CHRM3: variants seen among roughly 807,000 people sequenced by gnomAD.
CHRM3 encodes muscarinic acetylcholine receptor M3.
In CHRM3, 11 loss-of-function variants were observed where a neutral mutation model predicts 41.8. The observed-to-expected ratio is 0.26, with a 90% confidence interval of 0.17 to 0.44. CHRM3 has a LOEUF of 0.44. Among genes scored for constraint, CHRM3 ranks in the 20% least tolerant of loss-of-function variants. CHRM3 has a pLI of 1.00. For missense variants in CHRM3, 571 were observed against 745.4 expected (o/e 0.77, Z 2.72); for synonymous variants, 297 against 301.4 (o/e 0.99, Z 0.15).
At chr1:239,666,192 CTTT>C (rs34265790) in intron 4 of CHRM3, among the ~76,000 whole-genome samples, 1 of 145,930 alleles carries the variant, frequency 6.9e-6, no homozygotes, top group African/African-American at 2.5e-5. Flanking sequence ...TGTTGCCTGA[CTTT>C]TTTTTTTTTT....
chr1:239,648,869 G>A (rs916920909), intron 4 of CHRM3, among the ~76,000 whole-genome samples: 6 of 152,144 alleles, frequency 3.9e-5, no homozygotes, highest in African/African-American at 1.4e-4. Context: ...GGACATGACT[G>A]ACACATGAAT....
chr1:239,687,696 G>A (rs1018345821), intron 5 of CHRM3, among the ~76,000 whole-genome samples: 3 of 152,080 alleles, frequency 2.0e-5, no homozygotes, highest in Non-Finnish European at 2.9e-5. Context: ...GACCACAATA[G>A]AACAGTGCTC....
At chr1:239,688,997 A>G (rs201582665) in intron 5 of CHRM3, among the ~76,000 whole-genome samples, 2 of 150,496 alleles carry the variant, frequency 1.3e-5, no homozygotes, top group East Asian at 1.9e-4. Context: ...ATGAAAGTGT[A>G]TATGACTTTG....
At chr1:239,502,569 C>T (rs968340961) in intron 2 of CHRM3, among the ~76,000 whole-genome samples, 1 of 152,294 alleles carries the variant, frequency 6.6e-6, no homozygotes, top group Non-Finnish European at 1.5e-5. Flanking sequence ...AAGGAACCCT[C>T]GCTAATTCAT....
intron 2 of CHRM3, among the ~76,000 whole-genome samples, chr1:239,538,231 T>G (rs1275835399): frequency 6.6e-6 from 1 of 152,244 alleles, no homozygotes; most frequent in Non-Finnish European, 1.5e-5. Flanking sequence ...AGTTCTCATC[T>G]TCCATGCAAT....
At chr1:239,671,578 A>G in intron 4 of CHRM3, among the ~76,000 whole-genome samples, 1 of 152,120 alleles carries the variant, frequency 6.6e-6, no homozygotes, top group South Asian at 2.1e-4. Context: ...TGTCAAAAAG[A>G]AAAAAAAGGC....
At chr1:239,418,603 T>C (rs757745620) in intron 1 of CHRM3, among the ~76,000 whole-genome samples, 6 of 152,234 alleles carry the variant, frequency 3.9e-5, no homozygotes, top group Non-Finnish European at 8.8e-5. Context: ...TCTTTTTCAC[T>C]TCTAGCAAAC....
At chr1:239,467,512 G>A (rs1665815993) in intron 1 of CHRM3, among the ~76,000 whole-genome samples, 1 of 152,120 alleles carries the variant, frequency 6.6e-6, no homozygotes, top group Non-Finnish European at 1.5e-5. Flanking sequence ...GTGTTGGTCA[G>A]GCTGGTCTCG....
At chr1:239,830,049 A>C (rs553817611) in intron 6 of CHRM3, among the ~76,000 whole-genome samples, 1 of 152,186 alleles carries the variant, frequency 6.6e-6, no homozygotes, top group Non-Finnish European at 1.5e-5. Flanking sequence ...TGGGCCTTGG[A>C]ACTGTCATTT....
At chr1:239,753,033 A>G (rs1006785011) in intron 5 of CHRM3, among the ~76,000 whole-genome samples, 7 of 152,230 alleles carry the variant, frequency 4.6e-5, no homozygotes, top group Non-Finnish European at 8.8e-5. Context: ...TGAAAGAACT[A>G]TTTGGGTAAT....
At chr1:239,717,285 A>T (rs773751143) in intron 5 of CHRM3, among the ~76,000 whole-genome samples, 2 of 152,158 alleles carry the variant, frequency 1.3e-5, no homozygotes, top group African/African-American at 2.4e-5. Flanking sequence ...TGACTTAATT[A>T]TGCTGGTACC....
intron 4 of CHRM3, among the ~76,000 whole-genome samples, chr1:239,669,230 T>G (rs2149049425): frequency 6.6e-6 from 1 of 152,234 alleles, no homozygotes; most frequent in South Asian, 2.1e-4. Flanking sequence ...AGGGTAAAAA[T>G]AATTAAGTCC....
chr1:239,695,287 G>A (rs1169309794), intron 5 of CHRM3, among the ~76,000 whole-genome samples: 2 of 152,114 alleles, frequency 1.3e-5, no homozygotes, highest in Non-Finnish European at 2.9e-5. Flanking sequence ...TGGGATTACA[G>A]GTGTGAGCCA....
At chr1:239,532,420 G>T (rs1572624988) in intron 2 of CHRM3, among the ~76,000 whole-genome samples, 1 of 150,794 alleles carries the variant, frequency 6.6e-6, no homozygotes, top group African/African-American at 2.4e-5. Context: ...GAGGTCAACA[G>T]ATCGAGACCA....
intron 3 of CHRM3, among the ~76,000 whole-genome samples, chr1:239,610,802 C>T (rs931177881): frequency 2.0e-5 from 3 of 152,116 alleles, no homozygotes; most frequent in African/African-American, 7.2e-5. Context: ...GCCTGTAATC[C>T]CAGCACTTTG....
chr1:239,838,241 T>C (rs1313702925), intron 6 of CHRM3, among the ~76,000 whole-genome samples: 1 of 152,128 alleles, frequency 6.6e-6, no homozygotes, highest in Non-Finnish European at 1.5e-5. Flanking sequence ...TAAGTTGGAA[T>C]AGTAACTTTG....
chr1:239,843,912 ATAAT>A (rs1674048208), intron 6 of CHRM3, among the ~76,000 whole-genome samples: 1 of 152,124 alleles, frequency 6.6e-6, no homozygotes, highest in Admixed American at 6.6e-5. Flanking sequence ...TATACTCTAT[ATAAT>A]TAGATACATA....
At chr1:239,890,835 A>C (rs1029006284) in intron 6 of CHRM3, among the ~76,000 whole-genome samples, 2 of 152,218 alleles carry the variant, frequency 1.3e-5, no homozygotes, top group Non-Finnish European at 2.9e-5. Context: ...CCTTTGGAGA[A>C]GCTTGGCCAT....
At chr1:239,767,420 C>A (rs985356699) in intron 5 of CHRM3, among the ~76,000 whole-genome samples, 1 of 152,072 alleles carries the variant, frequency 6.6e-6, no homozygotes, top group African/African-American at 2.4e-5. Flanking sequence ...AAACATCTTC[C>A]TATTCCTCTG....
Sources: allele counts gnomAD v4.1 joint callset (sites outside exome capture counted in the v4.1 genomes callset), GRCh38; gene constraint gnomAD v4.1.1; transcripts MANE v1.5; gene names NCBI Gene and HGNC (gene_info 2026-07-23, HGNC 2026-07-21).